TNRC6A: variants seen among roughly 807,000 people sequenced by gnomAD.
TNRC6A encodes the protein trinucleotide repeat-containing gene 6A protein.
Under a neutral mutation model 221.2 loss-of-function variants are expected in TNRC6A, and 44 were observed. The ratio of observed to expected loss-of-function variants is 0.20; its 90% CI spans 0.16 to 0.26. The LOEUF is 0.26. Among genes scored for constraint, TNRC6A ranks in the 10% least tolerant of loss-of-function variants. The probability of loss-of-function intolerance (pLI) is 1.00; values close to 1 mark genes in which losing one functional copy is unlikely to be tolerated. For synonymous variants in TNRC6A, 847 were observed against 838.5 expected (o/e 1.01, Z -0.18); for missense variants, 2,199 against 2,404.4 (o/e 0.91, Z 1.79).
chr16:24,634,645 C>T (rs1901532171), intron 1 of TNRC6A, among the ~76,000 whole-genome samples: 1 of 152,188 alleles, frequency 6.6e-6, no homozygotes, highest in African/African-American at 2.4e-5. Context: ...TTTGTCACAT[C>T]GCTTCCCTAC....
At position 24,824,623 on chromosome 16, in the gene TNRC6A, T is replaced by C. The variant is rs193262905; in HGVS notation, c.*816T>C. The C allele has an allele frequency of 1.3e-3, 188 of 141,844 alleles. 2 individuals are homozygous for C. Among genetic ancestry groups the C allele is most frequent in the African/African-American group, 4.5e-3 (180 of 39,780 alleles). 8.8% of individuals were successfully genotyped at this position (141,844 alleles called of 1,614,324 possible). A position where few individuals can be genotyped will look rare whatever the true frequency, so the allele number is the denominator to read the frequency against. ...ACTCTTCCATCATTTAAAAAAAATG[T>C]AAAAGACAAAAAAAAAATGGAGGAT... On this transcript the variant is annotated 3_prime_UTR_variant, in exon 25 of 25. Transcript: ENST00000395799.
At chr16:24,675,682 CTCTCTCTCTCTCTCTCTCTCTATATATA>C (rs1567346585) in intron 2 of TNRC6A, among the ~76,000 whole-genome samples, 1 of 79,864 alleles carries the variant, frequency 1.3e-5, no homozygotes, top group Non-Finnish European at 2.4e-5. Context: ...CTCTCTCTCT[CTCTCTCTCTCTCTCTCTCTCTATATATA>C]TATATATATA....
Position 24,622,778 on chromosome 16 carries a change from A to G in TNRC6A, n.276+12294A>G, listed in dbSNP as rs188812569. On this transcript the variant is annotated intron_variant and non_coding_transcript_variant, in intron 1 of 2. Coordinates refer to the TNRC6A transcript ENST00000566108. ...CAGGGTTGTATGTGACATAGCACAA[A>G]TGGCAATAACAGTTCTATTATATGG... Among the ~76,000 whole-genome samples, 253 of 152,356 alleles carry G rather than the reference A, an allele frequency of 1.7e-3. 1 individual carries two copies. Among genetic ancestry groups the G allele is most frequent in the Non-Finnish European group, 2.7e-3 (187 of 68,034 alleles).
intron 9 of TNRC6A, 128 bp downstream of exon 9, chr16:24,796,067 C>T: frequency 1.0e-6 from 1 of 998,518 alleles, no homozygotes; most frequent in Non-Finnish European, 1.6e-6. Flanking sequence ...TTCAAATACA[C>T]TAAGATATGA....
At chr16:24,687,954 CTTT>C (rs770651349) in intron 2 of TNRC6A, among the ~76,000 whole-genome samples, 2 of 70,658 alleles carry the variant, frequency 2.8e-5, no homozygotes, top group Non-Finnish European at 4.9e-5. Context: ...CTTTTCTTTT[CTTT>C]TTTTTTTTTT....
chr16:24,643,546 C>T (rs1902109310), intron 2 of TNRC6A, among the ~76,000 whole-genome samples: 1 of 152,154 alleles, frequency 6.6e-6, no homozygotes. Flanking sequence ...CTATTTTCTT[C>T]CATCTTCCTG....
chr16:24,656,280 T>C (rs1037583244), intron 2 of TNRC6A, among the ~76,000 whole-genome samples: 1 of 151,468 alleles, frequency 6.6e-6, no homozygotes, highest in African/African-American at 2.4e-5. Context: ...CTGGCCAACA[T>C]GGCAAAACCC....
chr16:24,766,461 C>CT (rs1442767239), intron 4 of TNRC6A, among the ~76,000 whole-genome samples: 2 of 152,010 alleles, frequency 1.3e-5, no homozygotes, highest in African/African-American at 4.8e-5. Flanking sequence ...TTCAGGGTTC[C>CT]TCCATACCCA....
At chr16:24,740,046 A>T (rs1208970120) in intron 2 of TNRC6A, among the ~76,000 whole-genome samples, 1 of 152,184 alleles carries the variant, frequency 6.6e-6, no homozygotes, top group Non-Finnish European at 1.5e-5. Context: ...TTTGTTGAAA[A>T]GACTTTCATC....
intron 2 of TNRC6A, among the ~76,000 whole-genome samples, chr16:24,691,949 G>A (rs1158032550): frequency 3.3e-5 from 5 of 152,044 alleles, no homozygotes; most frequent in Non-Finnish European, 7.4e-5. Flanking sequence ...TTCAAAGGAG[G>A]ATATATTCAT....
At chr16:24,686,619 C>T (rs1430174490) in intron 2 of TNRC6A, among the ~76,000 whole-genome samples, 2 of 152,130 alleles carry the variant, frequency 1.3e-5, no homozygotes, top group Admixed American at 6.5e-5. Context: ...GTAGATTAAG[C>T]GCCAAAATGA....
intron 2 of TNRC6A, among the ~76,000 whole-genome samples, chr16:24,734,020 A>T (rs575571365): frequency 4.7e-4 from 72 of 152,232 alleles, no homozygotes; most frequent in South Asian, 1.5e-3. Flanking sequence ...AAAGAATTTT[A>T]AAAAATTAGC....
At chr16:24,706,717 C>G in intron 2 of TNRC6A, among the ~76,000 whole-genome samples, 1 of 145,988 alleles carries the variant, frequency 6.8e-6, no homozygotes, top group Non-Finnish European at 1.5e-5. Context: ...AAAAAAGTTT[C>G]GTACTTGTGC....
At chr16:24,732,018 A>G (rs1022285196) in intron 2 of TNRC6A, among the ~76,000 whole-genome samples, 1 of 152,240 alleles carries the variant, frequency 6.6e-6, no homozygotes, top group Non-Finnish European at 1.5e-5. Flanking sequence ...AAATAACAGT[A>G]GTACTAGGTA....
At chr16:24,698,515 T>C (rs780662643) in intron 2 of TNRC6A, among the ~76,000 whole-genome samples, 2 of 152,162 alleles carry the variant, frequency 1.3e-5, no homozygotes, top group Non-Finnish European at 2.9e-5. Context: ...CCAGGGACCA[T>C]TACAAGCACT....
intron 3 of TNRC6A, among the ~76,000 whole-genome samples, chr16:24,752,390 A>T (rs1158725277): frequency 6.6e-6 from 1 of 152,208 alleles, no homozygotes; most frequent in East Asian, 1.9e-4. Context: ...AGCAAGTATT[A>T]GGGGAGGAGA....
At chr16:24,786,334 T>C (rs1478229513) in intron 5 of TNRC6A, among the ~76,000 whole-genome samples, 1 of 152,042 alleles carries the variant, frequency 6.6e-6, no homozygotes, top group Non-Finnish European at 1.5e-5. Context: ...TGTTTTGTTT[T>C]GTTTTTTTTG....
At chr16:24,663,848 A>G (rs941425354) in intron 2 of TNRC6A, 1 of 450,520 alleles carries the variant, frequency 2.2e-6, no homozygotes, top group Non-Finnish European at 4.5e-6. Flanking sequence ...GTTAGCATCA[A>G]CTACCCGGCA....
chr16:24,694,389 C>T (rs1014881625), intron 2 of TNRC6A, among the ~76,000 whole-genome samples: 16 of 152,098 alleles, frequency 1.1e-4, no homozygotes, highest in Non-Finnish European at 1.3e-4. Context: ...GGCGCGGTGG[C>T]TCACGCTTGT....
Sources: allele counts gnomAD v4.1 joint callset (sites outside exome capture counted in the v4.1 genomes callset), GRCh38; gene constraint gnomAD v4.1.1; transcripts MANE v1.5; gene names NCBI Gene and HGNC (gene_info 2026-07-23, HGNC 2026-07-21).